The following SORBS3 variants were observed in gnomAD, a reference collection of about 807,000 sequenced individuals.
SORBS3 encodes sorbin and SH3 domain containing 3.
SORBS3 carries 69 observed loss-of-function variants against 98.0 expected under a neutral mutation model. The observed-to-expected ratio is 0.70, with a 90% confidence interval of 0.58 to 0.86. The LOEUF (loss-of-function observed/expected upper bound fraction) is 0.86. Among genes scored for constraint, SORBS3 ranks in the 40% least tolerant of loss-of-function variants. The pLI is 0.00. For missense variants in SORBS3, 954 were observed against 908.5 expected (o/e 1.05, Z -0.64); for synonymous variants, 394 against 355.4 (o/e 1.11, Z -1.22).
chr8:22,571,950 C>T (rs745918828), intron 19 of SORBS3, 129 bp downstream of exon 19: 72 of 684,864 alleles, frequency 1.1e-4, no homozygotes, highest in Admixed American at 7.8e-4. Flanking sequence ...CCCTTGTCCT[C>T]GAAGAGCTTA....
At chr8:22,571,591 A>T in intron 18 of SORBS3, 127 bp from the exon 19 acceptor site, 1 of 698,268 alleles carries the variant, frequency 1.4e-6, no homozygotes, top group East Asian at 2.7e-5. Flanking sequence ...GGAGGCTAAG[A>T]TGAAGCCGTT....
intron 19 of SORBS3, 146 bp downstream of exon 19, chr8:22,571,967 T>G: frequency 1.6e-6 from 1 of 642,254 alleles, no homozygotes. Context: ...CTTATGGTGA[T>G]TTGGGGCAGG....
chr8:22,571,731 C>T lies in SORBS3; in HGVS notation c.1757C>T (p.Pro586Leu), dbSNP rs1436410829. The change falls in exon 19 of 21, where the codon CCT (proline) becomes CTT (leucine). Residue 586 changes from proline to leucine, a missense_variant. Coordinates refer to ENST00000240123, the MANE Select transcript of SORBS3 (RefSeq NM_005775.5). ...PRPQTQNLGT[P>L]GPALSHSRGP... ...GTCAACTCCCAGAATCTTGGCACCCCTGGTCCAGCTCTGTCCCACTCTCGA... is the reference window on the plus strand; with the variant it reads ...GTCAACTCCCAGAATCTTGGCACCCTTGGTCCAGCTCTGTCCCACTCTCGA... 6.2e-7 allele frequency: 1 copy of T among 1,613,816 alleles called. No individual in the cohort carries two copies. The highest frequency in any genetic ancestry group is 8.5e-7 in the Non-Finnish European group (1 of 1,179,762).
Position 22,563,106 on chromosome 8 carries a change from G to A in SORBS3, c.585-881G>A, listed in dbSNP as rs957009982. Among the ~76,000 whole-genome samples, 14 of 151,322 alleles carry A rather than the reference G, an allele frequency of 9.3e-5. No individual in the cohort carries two copies. The East Asian group carries it at 1.4e-3, about 15-fold the overall frequency. On this transcript the variant is annotated intron_variant, in intron 7 of 20. Transcript: ENST00000240123. Reference sequence around the variant, plus strand: ...TGCACTCCAGCCTGGGCGACAGAGCGAGACTCCGTATCAAAAAAAAAAAAA... The same window carrying A: ...TGCACTCCAGCCTGGGCGACAGAGCAAGACTCCGTATCAAAAAAAAAAAAA...
chr8:22,562,135 G>T (rs1333956524), intron 7 of SORBS3, among the ~76,000 whole-genome samples: 1 of 152,242 alleles, frequency 6.6e-6, no homozygotes, highest in East Asian at 1.9e-4. Flanking sequence ...GGGTCAAGGG[G>T]GGAAGGGTAG....
Position 22,572,395 on chromosome 8 carries a change from G to C in SORBS3, c.1903G>C (p.Glu635Gln). Residue 635 changes from glutamate (E) to glutamine (Q), a missense_variant, in exon 20 of 21, where the codon GAG (glutamate) becomes CAG (glutamine). Coordinates refer to ENST00000240123, the MANE Select transcript of SORBS3 (RefSeq NM_005775.5). ...GAACGAAGACGAGCTGGAGCTGCGC[G>C]AGGGGGACAGGGTGGATGTCATGCA... Reference protein sequence around the residue: ...PQNEDELELREGDRVDVMQQC... With the variant: ...PQNEDELELRQGDRVDVMQQC... The C allele has an allele frequency of 6.2e-7, 1 of 1,614,090 alleles. No homozygotes were observed. Among genetic ancestry groups the C allele is most frequent in the Non-Finnish European group, 8.5e-7 (1 of 1,179,988 alleles).
Position 22,554,577 on chromosome 8 carries a change from C to A in SORBS3, c.71C>A (p.Ser24Tyr). 2.5e-6 allele frequency: 4 copies of A among 1,612,946 alleles called. No homozygotes were observed. The highest frequency in any genetic ancestry group is 2.2e-5 in the East Asian group (1 of 44,874). ...LDDFIPGHLQ[S>Y]HIGSSSRGTR... is the part of the protein sequence containing the mutation. Reference sequence around the variant, plus strand: ...GACTTCATCCCTGGCCACCTCCAGTCCCACATAGGGTCTTCCTCCCGGGGG... The same window carrying A: ...GACTTCATCCCTGGCCACCTCCAGTACCACATAGGGTCTTCCTCCCGGGGG... The change falls in exon 2 of 21, where the codon TCC becomes TAC. Residue 24 changes from serine (S) to tyrosine (Y), a missense_variant. By Grantham distance (144) the Ser-to-Tyr change is moderately radical. Transcript: ENST00000240123. This position sits in a 1 kb window ranked among gnomAD's most constrained non-coding sequence, Gnocchi z 6.5.
intron 5 of SORBS3, 167 bp from the exon 6 acceptor site, chr8:22,561,168 A>G (rs1345296163): frequency 1.6e-6 from 1 of 637,792 alleles, no homozygotes; most frequent in Non-Finnish European, 2.6e-6. Context: ...AGCCCTCCAG[A>G]GAGCTGCCCT....
chr8:22,573,942 T>C (rs958044178), intron 20 of SORBS3, among the ~76,000 whole-genome samples: 1 of 152,098 alleles, frequency 6.6e-6, no homozygotes, highest in African/African-American at 2.4e-5. Flanking sequence ...CCAGGCGCTC[T>C]CCCCAAGGGC....
At chr8:22,567,286 G>A (rs1840451373) in intron 16 of SORBS3, 111 bp downstream of exon 16, 1 of 726,442 alleles carries the variant, frequency 1.4e-6, no homozygotes, top group Non-Finnish European at 2.3e-6. Context: ...GAGGGGCTGG[G>A]GCGTGTCTCG....
rs967741919 is a variant in SORBS3 at position 22,565,755 on chromosome 8, C to T, written c.904-71C>T. On this transcript the variant is annotated intron_variant, in intron 11 of 20. Coordinates refer to ENST00000240123, the MANE Select transcript of SORBS3 (RefSeq NM_005775.5). ...TCCCCTCCCGAGCCGCGAACTTTTCCGGAGGCGGCGGCCTCGGCTGCCGCT... is the reference window on the plus strand; with the variant it reads ...TCCCCTCCCGAGCCGCGAACTTTTCTGGAGGCGGCGGCCTCGGCTGCCGCT... 3.1e-6 allele frequency: 4 copies of T among 1,283,134 alleles called. No homozygotes were observed. In the African/African-American group the frequency reaches 6.2e-5, roughly 20 times the overall value. The allele number at this position is 1,283,134 out of a possible 1,614,324, so 79.5% of individuals were successfully genotyped here.
chr8:22,564,387 C>T lies in SORBS3; in HGVS notation c.762+18C>T, dbSNP rs1334332853. 2 of 1,613,854 alleles carry T rather than the reference C, an allele frequency of 1.2e-6. No homozygotes were observed. Among genetic ancestry groups the T allele is most frequent in the South Asian group, 1.1e-5 (1 of 91,066 alleles). ...GGCAGAGGGTGAGTGCTGGCTGGCT[C>T]TCGGGGTGTGCACGCACCCTCAGCT... On this transcript the variant is annotated intron_variant, in intron 9 of 20. Coordinates refer to ENST00000240123, the MANE Select transcript of SORBS3 (RefSeq NM_005775.5).
rs1323731852 is a variant in SORBS3, at chr8:22,565,828, C to T, written c.906C>T (p.Ser302=). 7.7e-7 allele frequency: 1 copy of T among 1,306,304 alleles called. No homozygotes were observed. Among genetic ancestry groups the T allele is most frequent in the Non-Finnish European group, 9.8e-7 (1 of 1,025,600 alleles). The allele number at this position is 1,306,304 out of a possible 1,614,324, so 80.9% of individuals were successfully genotyped here. The change falls in exon 12 of 21, where the codon AGC becomes AGT. Residue 302 remains serine, a splice_region_variant and synonymous_variant. Coordinates refer to ENST00000240123, the MANE Select transcript of SORBS3 (RefSeq NM_005775.5). The part of the protein sequence containing the change: ...AIETRLPSPK[S]SPAPRRAPEQ... ...GATTGCGCCGTTTCCCCGCGCAGAG[C>T]TCGCCGGCGCCCCGACGGGCCCCGG...
intron 7 of SORBS3, 80 bp from the exon 8 acceptor site, chr8:22,563,907 C>T: frequency 9.5e-7 from 1 of 1,054,314 alleles, no homozygotes; most frequent in Non-Finnish European, 1.5e-6. Flanking sequence ...GGGACAAGGG[C>T]AGGGTGAGAG....
chr8:22,573,771 C>G (rs775451391), intron 20 of SORBS3, among the ~76,000 whole-genome samples: 1 of 152,192 alleles, frequency 6.6e-6, no homozygotes, highest in Non-Finnish European at 1.5e-5. Context: ...TCAGGAGTGA[C>G]GTTCATTTCA....
At chr8:22,550,000 G>A, upstream of SORBS3, 5 of 985,440 alleles carry the variant, frequency 5.1e-6, no homozygotes, top group Non-Finnish European at 6.0e-6. Context: ...ACCATCTTGG[G>A]AGAAGAAGGA....
chr8:22,554,285 C>T lies in SORBS3; in HGVS notation c.-55-167C>T. On this transcript the variant is annotated intron_variant, in intron 1 of 20. Transcript: ENST00000240123. This position sits in a 1 kb window ranked among gnomAD's most constrained non-coding sequence, Gnocchi z 6.5. ...GGAGCCGGCAGGCACGGGCAGCCTG[C>T]AGGCGGGTGCCTGGCGTGGCCTGTT... is the stretch of plus-strand genomic sequence containing the variant. The T allele has an allele frequency of 3.4e-6, 2 of 595,392 alleles. No homozygotes were observed. Among genetic ancestry groups the T allele is most frequent in the Non-Finnish European group, 5.4e-6 (2 of 370,486 alleles). The allele number at this position is 595,392 out of a possible 1,614,324, so 36.9% of individuals were successfully genotyped here.
chr8:22,555,540 T>A (rs1475569913), intron 3 of SORBS3, among the ~76,000 whole-genome samples: 1 of 148,732 alleles, frequency 6.7e-6, no homozygotes, highest in East Asian at 2.0e-4. Flanking sequence ...CTGGGCAACA[T>A]AGCAAGACCC....
At chr8:22,566,257 G>A in intron 12 of SORBS3, 88 bp from the exon 13 acceptor site, 1 of 1,478,238 alleles carries the variant, frequency 6.8e-7, no homozygotes, top group Non-Finnish European at 9.0e-7. Flanking sequence ...GCAGGGATGG[G>A]GGCGATGGGG....
Sources: allele counts gnomAD v4.1 joint callset (sites outside exome capture counted in the v4.1 genomes callset), GRCh38; gene constraint gnomAD v4.1.1; non-coding constraint Gnocchi (gnomAD v3.1); transcripts MANE v1.5; gene names NCBI Gene and HGNC (gene_info 2026-07-23, HGNC 2026-07-21).